Variants in AGMO observed in about 807,000 individuals in gnomAD.
AGMO encodes the protein glyceryl-ether monooxygenase.
Under a neutral mutation model 60.2 loss-of-function variants are expected in AGMO, and 75 were observed. The ratio of observed to expected loss-of-function variants is 1.25; its 90% CI spans 1.03 to 1.51. The LOEUF (loss-of-function observed/expected upper bound fraction) is 1.51. Among genes scored for constraint, AGMO ranks in the 40% most tolerant of loss-of-function variants. The pLI, the probability that AGMO is intolerant of heterozygous loss-of-function variation, is 0.00. For missense variants in AGMO, 763 were observed against 525.5 expected, an observed-to-expected ratio of 1.45 and a Z score of -4.42; for synonymous variants, 261 against 177.1, an observed-to-expected ratio of 1.47 and a Z score of -3.76.
the AGMO span, among the ~76,000 whole-genome samples, chr7:15,184,705 A>G: frequency 1.4e-3 from 54 of 38,602 alleles, no homozygotes; most frequent in South Asian, 1.9e-3. Flanking sequence ...GGAAAGGAGG[A>G]AGGGAGGGAA....
chr7:15,287,147 G>C (rs1351503989), intron 12 of AGMO, among the ~76,000 whole-genome samples: 2 of 151,988 alleles, frequency 1.3e-5, no homozygotes, highest in East Asian at 3.9e-4. Flanking sequence ...GGTGATGAAT[G>C]CAATAAAATC....
chr7:15,524,330 C>T (rs1274861434), intron 3 of AGMO, among the ~76,000 whole-genome samples: 5 of 151,872 alleles, frequency 3.3e-5, no homozygotes. Context: ...TTTTTAAAAT[C>T]ATGATTTTAT....
Position 15,347,630 on chromosome 7 carries a change from G to A in AGMO, c.1263+17884C>T, listed in dbSNP as rs550887534. ...CTGATTTCCCAAAAAAAATGTGGGCGCAGTGTGGCCAGATCTTTGAATTTT... is the reference window on the plus strand; with the variant it reads ...CTGATTTCCCAAAAAAAATGTGGGCACAGTGTGGCCAGATCTTTGAATTTT... On this transcript the variant is annotated intron_variant, in intron 12 of 12. Coordinates refer to ENST00000342526, the MANE Select transcript of AGMO (RefSeq NM_001004320.2). 5.3e-5 allele frequency among the ~76,000 whole-genome samples: 8 copies of A among 151,992 alleles called. 1 individual carries two copies. In the South Asian group the frequency reaches 1.2e-3, roughly 24 times the overall value.
At chr7:15,547,575 G>A (rs191246837) in intron 2 of AGMO, among the ~76,000 whole-genome samples, 3 of 152,042 alleles carry the variant, frequency 2.0e-5, no homozygotes, top group Admixed American at 1.3e-4. Flanking sequence ...TGGAAAATCG[G>A]GTCACTCCCA....
chr7:15,184,432 AGGAAGGGAGGGAGGGAAGGAAGGGAGGT>A, the AGMO span, among the ~76,000 whole-genome samples: 1 of 135,324 alleles, frequency 7.4e-6, no homozygotes. Flanking sequence ...AAAAGAAGGA[AGGAAGGGAGGGAGGGAAGGAAGGGAGGT>A]AAGAAGGAAG....
At chr7:15,318,803 T>C (rs894994297) in intron 12 of AGMO, among the ~76,000 whole-genome samples, 1 of 152,212 alleles carries the variant, frequency 6.6e-6, no homozygotes, top group Non-Finnish European at 1.5e-5. Flanking sequence ...AGGTTGCCAA[T>C]TATGCTTTCT....
chr7:15,370,051 T>C (rs1182335078), intron 10 of AGMO, among the ~76,000 whole-genome samples: 2 of 152,278 alleles, frequency 1.3e-5, no homozygotes, highest in East Asian at 3.9e-4. Context: ...TTTCCAACTT[T>C]TGCCCCCCTC....
At chr7:15,384,937 C>T (rs983059651) in intron 10 of AGMO, among the ~76,000 whole-genome samples, 3 of 149,746 alleles carry the variant, frequency 2.0e-5, no homozygotes, top group African/African-American at 4.9e-5. Context: ...CCCAAAGTGG[C>T]GATCCCTGAA....
intron 12 of AGMO, among the ~76,000 whole-genome samples, chr7:15,345,815 T>G (rs2128551611): frequency 6.6e-6 from 1 of 152,278 alleles, no homozygotes; most frequent in South Asian, 2.1e-4. Context: ...AGGACCTCAA[T>G]TTGTATGAGT....
chr7:15,239,088 G>A (rs1181196484), intron 12 of AGMO, among the ~76,000 whole-genome samples: 2 of 152,040 alleles, frequency 1.3e-5, no homozygotes, highest in African/African-American at 4.8e-5. Flanking sequence ...AGGAAGTCTG[G>A]TTCTAGATCT....
intron 12 of AGMO, among the ~76,000 whole-genome samples, chr7:15,326,743 TACAA>T (rs1442644442): frequency 1.3e-5 from 2 of 152,204 alleles, no homozygotes; most frequent in Non-Finnish European, 2.9e-5. Context: ...GCTAACTTGG[TACAA>T]ACAGATACCA....
At chr7:15,451,967 C>T (rs1781866185) in intron 3 of AGMO, among the ~76,000 whole-genome samples, 1 of 152,124 alleles carries the variant, frequency 6.6e-6, no homozygotes, top group South Asian at 2.1e-4. Flanking sequence ...TTGGGATTGG[C>T]CAAGACACAG....
chr7:15,240,650 C>G (rs1489310281), intron 12 of AGMO, among the ~76,000 whole-genome samples: 2 of 152,052 alleles, frequency 1.3e-5, no homozygotes, highest in Non-Finnish European at 2.9e-5. Flanking sequence ...CTTTTACAAT[C>G]ACTCTCTCAT....
chr7:15,244,948 G>A (rs59321072), intron 12 of AGMO, among the ~76,000 whole-genome samples: 3 of 152,104 alleles, frequency 2.0e-5, no homozygotes, highest in Non-Finnish European at 2.9e-5. Context: ...CACCACGCCC[G>A]GCCAGTATTT....
intron 2 of AGMO, among the ~76,000 whole-genome samples, chr7:15,551,701 C>A (rs1308405630): frequency 2.0e-5 from 3 of 151,132 alleles, no homozygotes; most frequent in Non-Finnish European, 4.4e-5. Flanking sequence ...ATTCCATGCT[C>A]ATGGGTAGGA....
At chr7:15,197,848 T>G (rs573981537), downstream of AGMO, among the ~76,000 whole-genome samples, 5 of 152,182 alleles carry the variant, frequency 3.3e-5, no homozygotes, top group Non-Finnish European at 7.4e-5. Flanking sequence ...CTTATTCAGA[T>G]GTCTGACATC....
chr7:15,342,185 A>AAAAAAAAAAAAG (rs1781876715), intron 12 of AGMO, among the ~76,000 whole-genome samples: 1 of 149,264 alleles, frequency 6.7e-6, no homozygotes, highest in East Asian at 1.9e-4. Context: ...AAAAAAAAAA[A>AAAAAAAAAAAAG]AAAAAAAAAA....
In AGMO at chr7:15,546,787, C is replaced by T. The variant is rs575348951; in HGVS notation, c.258-1864G>A. Among the ~76,000 whole-genome samples, 12 of 152,320 alleles carry T rather than the reference C, an allele frequency of 7.9e-5. No individual in the cohort carries two copies. In the East Asian group the frequency reaches 2.3e-3, roughly 29 times the overall value. On this transcript the variant is annotated intron_variant, in intron 2 of 12. Coordinates refer to ENST00000342526, the MANE Select transcript of AGMO (RefSeq NM_001004320.2). ...TGCTAGTCAAAGTAGGCGGTGAGAACAAATTCTACTGTAAATCTTGTTAGC... is the reference window on the plus strand; with the variant it reads ...TGCTAGTCAAAGTAGGCGGTGAGAATAAATTCTACTGTAAATCTTGTTAGC...
chr7:15,198,664 G>T (rs986761612), downstream of AGMO, among the ~76,000 whole-genome samples: 1 of 152,094 alleles, frequency 6.6e-6, no homozygotes, highest in African/African-American at 2.4e-5. Context: ...TGGGTAGGGG[G>T]CCAGGGAATG....
Sources: allele counts gnomAD v4.1 joint callset (sites outside exome capture counted in the v4.1 genomes callset), GRCh38; gene constraint gnomAD v4.1.1; transcripts MANE v1.5; gene names NCBI Gene and HGNC (gene_info 2026-07-23, HGNC 2026-07-21).